Variants in PCCA observed in about 807,000 individuals in gnomAD.
PCCA encodes the protein propionyl-CoA carboxylase subunit alpha.
Under a neutral mutation model 101.3 loss-of-function variants are expected in PCCA, and 74 were observed. The observed-to-expected ratio is 0.73, with a 90% CI of 0.61 to 0.89. The LOEUF (loss-of-function observed/expected upper bound fraction) is 0.89, where lower values mean the gene tolerates loss of function less well. Ranked by LOEUF, PCCA falls within the 40% of genes least tolerant of loss-of-function variation. The probability of loss-of-function intolerance (pLI) is 0.00; values close to 1 mark genes in which losing one functional copy is unlikely to be tolerated. For synonymous variants in PCCA, 294 were observed against 313.6 expected, an observed-to-expected ratio of 0.94 and a Z score of 0.66; for missense variants, 891 against 907.0, an observed-to-expected ratio of 0.98 and a Z score of 0.23.
At chr13:100,496,468 G>C (rs2085285974) in intron 21 of PCCA, among the ~76,000 whole-genome samples, 1 of 151,840 alleles carries the variant, frequency 6.6e-6, no homozygotes, top group Non-Finnish European at 1.5e-5. Flanking sequence ...CTCACAGTCA[G>C]GTTGTTACTC....
At chr13:100,405,923 T>C (rs1340925199) in intron 19 of PCCA, among the ~76,000 whole-genome samples, 1 of 152,016 alleles carries the variant, frequency 6.6e-6, no homozygotes, top group Non-Finnish European at 1.5e-5. Context: ...TGCGCCACCA[T>C]GCCCAGCTAA....
intron 6 of PCCA, among the ~76,000 whole-genome samples, chr13:100,167,220 AT>A (rs1054210025): frequency 6.6e-6 from 1 of 151,444 alleles, no homozygotes; most frequent in East Asian, 1.9e-4. Context: ...CAGGTTATTA[AT>A]TTTTTTTTCT....
At chr13:100,519,127 T>G (rs2087044872) in intron 22 of PCCA, among the ~76,000 whole-genome samples, 1 of 152,234 alleles carries the variant, frequency 6.6e-6, no homozygotes, top group Admixed American at 6.5e-5. Context: ...TTAGTTAAGA[T>G]TCTTTCAAGT....
At chr13:100,260,113 C>T (rs2062387749) in intron 9 of PCCA, among the ~76,000 whole-genome samples, 1 of 151,982 alleles carries the variant, frequency 6.6e-6, no homozygotes. Context: ...GTTATTATAT[C>T]CAATCTAATA....
intron 22 of PCCA, among the ~76,000 whole-genome samples, chr13:100,518,759 T>C (rs1442157479): frequency 4.6e-5 from 7 of 152,182 alleles, no homozygotes; most frequent in Non-Finnish European, 8.8e-5. Context: ...CTTCTGAAAA[T>C]GTTTCTGCAG....
chr13:100,472,963 A>G (rs1326566582), intron 21 of PCCA, among the ~76,000 whole-genome samples: 2 of 152,194 alleles, frequency 1.3e-5, no homozygotes, highest in African/African-American at 4.8e-5. Context: ...GCAAACTCAC[A>G]GGGATTGATA....
intron 5 of PCCA, 127 bp from the exon 6 acceptor site, chr13:100,157,160 A>T (rs1412853917): frequency 4.6e-6 from 3 of 654,740 alleles, no homozygotes; most frequent in Non-Finnish European, 8.2e-6. Context: ...ATCAGTGTAT[A>T]AGAGAAGTGT....
chr13:100,504,439 A>C (rs1420327028), intron 21 of PCCA, among the ~76,000 whole-genome samples: 2 of 152,230 alleles, frequency 1.3e-5, no homozygotes, highest in Non-Finnish European at 2.9e-5. Flanking sequence ...TGTGCATCTG[A>C]GAGCGTGTAC....
intron 21 of PCCA, among the ~76,000 whole-genome samples, chr13:100,500,241 C>G (rs2152987843): frequency 6.6e-6 from 1 of 152,244 alleles, no homozygotes; most frequent in East Asian, 1.9e-4. Flanking sequence ...GAAAGTCCAG[C>G]TCTTCAGTGT....
At chr13:100,313,782 G>A (rs9518047) in intron 16 of PCCA, among the ~76,000 whole-genome samples, 64,267 of 151,954 alleles carry the variant, frequency 0.42, 15,466 homozygotes, top group South Asian at 0.65. Flanking sequence ...GATAAAGTTG[G>A]TTAGGTCGGA....
chr13:100,280,947 C>T (rs1040753777), intron 12 of PCCA, among the ~76,000 whole-genome samples: 10 of 152,022 alleles, frequency 6.6e-5, no homozygotes, highest in Non-Finnish European at 1.0e-4. Flanking sequence ...TGCCACTGCA[C>T]TCCAGCCTGG....
intron 8 of PCCA, 137 bp downstream of exon 8, chr13:100,236,015 G>GA: frequency 1.5e-6 from 1 of 664,912 alleles, no homozygotes; most frequent in Non-Finnish European, 2.8e-6. Flanking sequence ...TGCTCTGGAA[G>GA]AATGTATCAG....
At chr13:100,199,502 C>A (rs957209831) in intron 6 of PCCA, among the ~76,000 whole-genome samples, 24 of 152,154 alleles carry the variant, frequency 1.6e-4, no homozygotes, top group African/African-American at 3.6e-4. Flanking sequence ...CACTGCATGG[C>A]GATGCTATAG....
At chr13:100,325,375 T>C (rs1261863793) in intron 16 of PCCA, among the ~76,000 whole-genome samples, 5 of 151,886 alleles carry the variant, frequency 3.3e-5, no homozygotes, top group African/African-American at 1.2e-4. Flanking sequence ...GGTTTGATAA[T>C]TTTAGAAAGA....
intron 6 of PCCA, among the ~76,000 whole-genome samples, chr13:100,187,066 C>T (rs2057341177): frequency 1.3e-5 from 2 of 152,134 alleles, no homozygotes; most frequent in South Asian, 4.1e-4. Context: ...TTGAATTATG[C>T]TGTAGAAAAG....
At chr13:100,420,824 G>A (rs769302532) in intron 19 of PCCA, among the ~76,000 whole-genome samples, 2 of 152,092 alleles carry the variant, frequency 1.3e-5, no homozygotes, top group African/African-American at 4.8e-5. Context: ...AAACAGCTAC[G>A]ATTTATTGTG....
At chr13:100,327,812 A>G (rs1356958039) in intron 16 of PCCA, among the ~76,000 whole-genome samples, 1 of 151,926 alleles carries the variant, frequency 6.6e-6, no homozygotes, top group African/African-American at 2.4e-5. Flanking sequence ...ATGTTGAACA[A>G]TTTTTCCTAT....
At chr13:100,416,957 C>T (rs533949235) in intron 19 of PCCA, among the ~76,000 whole-genome samples, 22 of 152,306 alleles carry the variant, frequency 1.4e-4, no homozygotes, top group African/African-American at 5.1e-4. Flanking sequence ...AATTCTCCTG[C>T]TTCAGCCTCC....
rs184121055 is a variant in PCCA at position 100,191,835 on chromosome 13, T to G, written c.469-17497T>G. On this transcript the variant is annotated intron_variant, in intron 6 of 23. Coordinates refer to ENST00000376285, the MANE Select transcript of PCCA (RefSeq NM_000282.4). ...CTGAGATTTTACGCTTGCTGGTAGT[T>G]GACATAAAATGAAGCTTAGTCTATT... is the stretch of plus-strand genomic sequence containing the variant. Among the ~76,000 whole-genome samples the G allele has an allele frequency of 9.2e-5, 14 of 152,318 alleles. No homozygotes were observed. In the East Asian group the frequency reaches 2.5e-3, roughly 27 times the overall value.
Sources: allele counts gnomAD v4.1 joint callset (sites outside exome capture counted in the v4.1 genomes callset), GRCh38; gene constraint gnomAD v4.1.1; transcripts MANE v1.5; gene names NCBI Gene and HGNC (gene_info 2026-07-23, HGNC 2026-07-21).